The following CEP85L variants were observed in gnomAD, a reference collection of about 807,000 sequenced individuals.
CEP85L encodes the protein centrosomal protein 85L, also known as centrosomal protein of 85 kDa-like.
Under a neutral mutation model 100.3 loss-of-function variants are expected in CEP85L, and 60 were observed. The ratio of observed to expected loss-of-function variants is 0.60; its 90% confidence interval spans 0.49 to 0.74. CEP85L has a LOEUF of 0.74. CEP85L is among the 30% of genes least tolerant of loss of function. CEP85L has a pLI of 0.00. For synonymous variants in CEP85L, 319 were observed against 322.7 expected, an observed-to-expected ratio of 0.99 and a Z score of 0.12; for missense variants, 973 against 936.2, an observed-to-expected ratio of 1.04 and a Z score of -0.51.
At chr6:118,533,955 C>T (rs1291600936) in intron 3 of CEP85L, among the ~76,000 whole-genome samples, 4 of 152,000 alleles carry the variant, frequency 2.6e-5, no homozygotes, top group Admixed American at 6.6e-5. Flanking sequence ...ATTAGCCAGG[C>T]GTGGTGGCTC....
chr6:118,526,108 G>C (rs1469495382), intron 3 of CEP85L, among the ~76,000 whole-genome samples: 1 of 152,196 alleles, frequency 6.6e-6, no homozygotes, highest in Non-Finnish European at 1.5e-5. Flanking sequence ...TATTTCAAAA[G>C]TGACACATAG....
chr6:118,677,827 C>G (rs1450755560), intron 1 of CEP85L, among the ~76,000 whole-genome samples: 1 of 152,162 alleles, frequency 6.6e-6, no homozygotes, highest in Non-Finnish European at 1.5e-5. Context: ...GCCAATATTG[C>G]CCATAAATAC....
chr6:118,612,227 C>T (rs1188450757), intron 2 of CEP85L, among the ~76,000 whole-genome samples: 1 of 151,662 alleles, frequency 6.6e-6, no homozygotes, highest in East Asian at 1.9e-4. Context: ...CACTTACAGT[C>T]CTGAGAAGCA....
chr6:118,537,914 T>C, intron 3 of CEP85L: 1 of 984,722 alleles, frequency 1.0e-6, no homozygotes, highest in Non-Finnish European at 1.2e-6. Flanking sequence ...AGAGATACTC[T>C]ACAAGTGTTT....
At chr6:118,640,756 C>T (rs1219548778) in intron 1 of CEP85L, among the ~76,000 whole-genome samples, 2 of 152,172 alleles carry the variant, frequency 1.3e-5, no homozygotes, top group Non-Finnish European at 2.9e-5. Flanking sequence ...TCTCGAACTC[C>T]TGACCTCAAG....
At chr6:118,466,696 G>A (rs1772547987) in intron 12 of CEP85L, among the ~76,000 whole-genome samples, 2 of 152,102 alleles carry the variant, frequency 1.3e-5, no homozygotes, top group Non-Finnish European at 2.9e-5. Flanking sequence ...CAAGAAATAA[G>A]GCTATAGAGG....
rs774824720 is a variant in CEP85L at position 118,491,751 on chromosome 6, G to T, written c.1372C>A (p.Leu458Ile). Reference sequence around the variant, plus strand: ...AGTCTTTGTTTGAGAAACTCATTAAGCTGTAAAACTTCTTTCTCAGTAGAT... The same window carrying T: ...AGTCTTTGTTTGAGAAACTCATTAATCTGTAAAACTTCTTTCTCAGTAGAT... ...LASTEKEVLQ[L>I]NEFLKQRLSL... Residue 458 changes from leucine (L) to isoleucine (I), a missense_variant, in exon 6 of 13, where the codon CTT (leucine) becomes ATT (isoleucine). By Grantham distance (5) the Leu-to-Ile change is conservative (BLOSUM62 2). Transcript: ENST00000368491. 3.7e-5 allele frequency: 59 copies of T among 1,612,884 alleles called. No individual in the cohort carries two copies. The South Asian group carries it at 6.0e-4, about 17-fold the overall frequency.
intron 4 of CEP85L, among the ~76,000 whole-genome samples, chr6:118,511,923 G>A (rs918688367): frequency 1.4e-4 from 21 of 150,548 alleles, no homozygotes; most frequent in African/African-American, 4.6e-4. Flanking sequence ...GGAGAGATTC[G>A]TCATATAACA....
chr6:118,573,034 C>T (rs889363626), intron 2 of CEP85L, among the ~76,000 whole-genome samples: 4 of 152,142 alleles, frequency 2.6e-5, no homozygotes, highest in African/African-American at 9.7e-5. Flanking sequence ...TGCACTCCAG[C>T]TTGGGTAACA....
intron 1 of CEP85L, among the ~76,000 whole-genome samples, chr6:118,702,179 G>A (rs1247637616): frequency 6.6e-6 from 1 of 151,198 alleles, no homozygotes; most frequent in Admixed American, 6.6e-5. Flanking sequence ...CTAATTGGAT[G>A]TATATCTACA....
At chr6:118,582,434 G>A (rs1780627319) in intron 2 of CEP85L, among the ~76,000 whole-genome samples, 1 of 152,196 alleles carries the variant, frequency 6.6e-6, no homozygotes, top group African/African-American at 2.4e-5. Context: ...TCCACAGGCA[G>A]CAGAAAAATA....
intron 2 of CEP85L, among the ~76,000 whole-genome samples, chr6:118,631,077 T>C (rs772635378): frequency 6.6e-6 from 1 of 152,196 alleles, no homozygotes; most frequent in Non-Finnish European, 1.5e-5. Context: ...TGGGTGATAA[T>C]AGTGTGTCCA....
chr6:118,536,252 A>G (rs1445993631), intron 3 of CEP85L, among the ~76,000 whole-genome samples: 2 of 152,280 alleles, frequency 1.3e-5, no homozygotes, highest in African/African-American at 4.8e-5. Context: ...CAGACCATAC[A>G]TAATCAATAA....
intron 2 of CEP85L, among the ~76,000 whole-genome samples, chr6:118,620,927 G>T (rs755625327): frequency 2.0e-4 from 31 of 152,096 alleles, no homozygotes; most frequent in Non-Finnish European, 4.0e-4. Context: ...TCCAAAGCTG[G>T]AGCTATTAAC....
Position 118,632,383 on chromosome 6 carries a change from C to A in CEP85L, c.232+70G>T. 3.5e-6 allele frequency: 4 copies of A among 1,134,662 alleles called. No individual in the cohort carries two copies. In the South Asian group the frequency reaches 5.1e-5, roughly 15 times the overall value. 70.3% of individuals were successfully genotyped at this position (1,134,662 alleles called of 1,614,324 possible). A position where few individuals can be genotyped will look rare whatever the true frequency, so the allele number is the denominator to read the frequency against. On this transcript the variant is annotated intron_variant, in intron 2 of 12. Transcript: ENST00000368491. ...TTCAGTATGAAACAATAAAACATAT[C>A]CCCTGAAAATTCTTGTACCACAACC...
At chr6:118,547,497 A>G (rs531938090) in intron 3 of CEP85L, among the ~76,000 whole-genome samples, 1 of 152,208 alleles carries the variant, frequency 6.6e-6, no homozygotes, top group East Asian at 1.9e-4. Flanking sequence ...TTTTGCCATA[A>G]AGTTGCCCTT....
intron 2 of CEP85L, among the ~76,000 whole-genome samples, chr6:118,612,710 T>C (rs998144033): frequency 6.4e-5 from 8 of 125,684 alleles, no homozygotes; most frequent in Admixed American, 1.9e-4. Flanking sequence ...AAATCAGTAA[T>C]CTAATCTGCT....
At chr6:118,672,338 T>G (rs1211559602) in intron 1 of CEP85L, among the ~76,000 whole-genome samples, 2 of 152,158 alleles carry the variant, frequency 1.3e-5, no homozygotes, top group East Asian at 3.8e-4. Flanking sequence ...GCGCCAGGCT[T>G]GATATATTAT....
At chr6:118,632,428 A>T in intron 2 of CEP85L, 25 bp downstream of exon 2, 1 of 1,561,542 alleles carries the variant, frequency 6.4e-7, no homozygotes. Context: ...AGATTCATAT[A>T]TAAACAATAA....
Sources: gnomAD v4.1 joint callset for allele counts (sites outside exome capture counted in the v4.1 genomes callset) on GRCh38, gnomAD v4.1.1 for gene constraint, MANE v1.5 for transcripts, NCBI Gene and HGNC (gene_info 2026-07-23, HGNC 2026-07-21) for gene names.